Variants in DNAH10 observed in about 807,000 individuals in gnomAD.
DNAH10 encodes the protein axonemal beta dynein heavy chain 10.
DNAH10 carries 348 observed loss-of-function variants against 506.6 expected under a neutral mutation model. That is an observed-to-expected ratio of 0.69 (90% CI 0.63 to 0.75). The LOEUF (loss-of-function observed/expected upper bound fraction) is 0.75, where lower values mean the gene tolerates loss of function less well. Ranked by LOEUF, DNAH10 falls within the 30% of genes least tolerant of loss-of-function variation. The pLI is 0.00. For missense variants in DNAH10, 5,179 were observed against 5,787.1 expected, an observed-to-expected ratio of 0.89 and a Z score of 3.41; for synonymous variants, 2,059 against 2,198.6, an observed-to-expected ratio of 0.94 and a Z score of 1.78.
In DNAH10 at chr12:123,850,145, G is replaced by A. The variant is rs916714426; in HGVS notation, c.6103-743G>A. Among the ~76,000 whole-genome samples, 1 of 151,798 alleles carries A rather than the reference G, an allele frequency of 6.6e-6. No individual in the cohort carries two copies. Among genetic ancestry groups the A allele is most frequent in the Admixed American group, 6.6e-5 (1 of 15,248 alleles). On this transcript the variant is annotated intron_variant, in intron 34 of 78. Coordinates refer to ENST00000673944, the MANE Select transcript of DNAH10 (RefSeq NM_001372106.1). This position sits in a 1 kb window ranked among gnomAD's most constrained non-coding sequence, Gnocchi z 5.5. ...GGGGAGGCTGGCTGTCTTCCGGGCT[G>A]CCCTCTCGTTGGTGATGCAGACTGT...
chr12:123,845,439 C>T (rs927784289), intron 30 of DNAH10, among the ~76,000 whole-genome samples, 161 bp from the exon 31 acceptor site: 3 of 152,220 alleles, frequency 2.0e-5, no homozygotes, highest in Non-Finnish European at 4.4e-5. Flanking sequence ...AAGTCTTACT[C>T]CTCTGACTTA....
intron 23 of DNAH10, among the ~76,000 whole-genome samples, chr12:123,819,707 T>G (rs926207472): frequency 1.4e-4 from 20 of 145,996 alleles, no homozygotes; most frequent in Admixed American, 4.7e-4. Flanking sequence ...TCTGTTTTTT[T>G]TTTTTTTTTT....
chr12:123,827,237 G>GT (rs1565955321), intron 25 of DNAH10, among the ~76,000 whole-genome samples: 3 of 152,154 alleles, frequency 2.0e-5, no homozygotes. Flanking sequence ...GTAATTTACA[G>GT]TTTTTTAGCT....
rs7305969 is a variant in DNAH10, at chr12:123,927,288, C to G, written c.12105+468C>G. The G allele has an allele frequency of 2.2e-3, 385 of 173,726 alleles. 2 individuals are homozygous for G. The highest frequency in any genetic ancestry group is 9.0e-3 in the African/African-American group (375 of 41,654). The allele number at this position is 173,726 out of a possible 1,614,324, so 10.8% of individuals were successfully genotyped here. A position where few individuals can be genotyped will look rare whatever the true frequency, so the allele number is the denominator to read the frequency against. ...CCCTGGCTGGTCTTGAACTCCTGGG[C>G]TCAAGCGATCCTTCCACTTCGGCCT... On this transcript the variant is annotated intron_variant, in intron 69 of 78. Transcript: ENST00000673944.
At chr12:123,924,937 G>A (rs1269908520) in intron 67 of DNAH10, 113 bp from the exon 68 acceptor site, 1 of 1,428,698 alleles carries the variant, frequency 7.0e-7, no homozygotes, top group Non-Finnish European at 9.5e-7. Flanking sequence ...CCTTCAGTTA[G>A]TACACCTATG....
At chr12:123,896,025 A>G (rs1953203792) in intron 54 of DNAH10, among the ~76,000 whole-genome samples, 1 of 150,252 alleles carries the variant, frequency 6.7e-6, no homozygotes, top group East Asian at 2.0e-4. Context: ...AGCCATGAGA[A>G]TTGCTTGAGC....
At chr12:123,860,864 A>T in intron 38 of DNAH10, 148 bp from the exon 39 acceptor site, 1 of 975,700 alleles carries the variant, frequency 1.0e-6, no homozygotes, top group Non-Finnish European at 1.5e-6. Context: ...ACTAACAGTG[A>T]AGGGAAGCCC....
At chr12:123,788,535 A>T (rs1265113728) in intron 10 of DNAH10, among the ~76,000 whole-genome samples, 1 of 152,182 alleles carries the variant, frequency 6.6e-6, no homozygotes, top group Non-Finnish European at 1.5e-5. Flanking sequence ...GAGGAACCAT[A>T]GTGAGTACAA....
rs1953949332 is a variant in DNAH10 at position 123,909,160 on chromosome 12, G to T, written c.9816-101G>T. On this transcript the variant is annotated intron_variant, in intron 57 of 78. Transcript: ENST00000673944. The surrounding 1 kb of genome is among the most constrained non-coding windows in gnomAD (Gnocchi z 5.4). ...CGTTTGCTTGCAGCAGTAGCTCCAG[G>T]GACTGTCTTTTGGTTGAGCTCGTTT... The T allele has an allele frequency of 6.9e-7, 1 of 1,455,984 alleles. No homozygotes were observed. The highest frequency in any genetic ancestry group is 1.4e-5 in the African/African-American group (1 of 70,586). 90.2% of individuals were successfully genotyped at this position (1,455,984 alleles called of 1,614,324 possible).
rs768783271 is a variant in DNAH10 at position 123,789,963 on chromosome 12, C to A, written c.1657C>A (p.Leu553Ile). The change falls in exon 11 of 79, where the codon CTA becomes ATA. Residue 553 changes from leucine (L) to isoleucine (I), a missense_variant. By Grantham distance (5) the Leu-to-Ile change is conservative. Transcript: ENST00000673944. ...ATTTTATAACATATTTGGTCCAGAACTAAAGGCAGTGACGGGGGACCCCAA... is the reference window on the plus strand; with the variant it reads ...ATTTTATAACATATTTGGTCCAGAAATAAAGGCAGTGACGGGGGACCCCAA... ...EEFYNIFGPELKAVTGDPKRI... is the reference protein window; with the variant it reads ...EEFYNIFGPEIKAVTGDPKRI... The A allele has an allele frequency of 1.9e-6, 3 of 1,614,072 alleles. No individual in the cohort carries two copies. Among genetic ancestry groups the A allele is most frequent in the Non-Finnish European group, 2.5e-6 (3 of 1,179,986 alleles).
intron 16 of DNAH10, among the ~76,000 whole-genome samples, chr12:123,801,833 T>C (rs1017345062): frequency 2.0e-5 from 3 of 152,198 alleles, no homozygotes; most frequent in South Asian, 2.1e-4. Context: ...AACCAAGATA[T>C]TGACATTGAT....
chr12:123,894,817 T>A, intron 54 of DNAH10, 94 bp downstream of exon 54: 1 of 1,163,440 alleles, frequency 8.6e-7, no homozygotes, highest in Non-Finnish European at 1.3e-6. Flanking sequence ...TGTAGATTTC[T>A]TCACTGGAAA....
intron 10 of DNAH10, among the ~76,000 whole-genome samples, chr12:123,789,410 G>A (rs1258121120): frequency 6.6e-6 from 1 of 151,774 alleles, no homozygotes; most frequent in Non-Finnish European, 1.5e-5. Flanking sequence ...GTGAGACAGA[G>A]TCTCGCTCTG....
intron 11 of DNAH10, 65 bp downstream of exon 11, chr12:123,790,186 G>A: frequency 6.6e-7 from 1 of 1,520,768 alleles, no homozygotes; most frequent in Non-Finnish European, 9.0e-7. Context: ...TGTTAAATTT[G>A]TTGGGTTATT....
At position 123,811,352 on chromosome 12, in the gene DNAH10, C is replaced by A. The variant is rs140747492; in HGVS notation, c.3145-1812C>A. On this transcript the variant is annotated intron_variant, in intron 19 of 78. Transcript: ENST00000673944. ...TTTTTTTTTTTTTTTGAGATGGAGTCTTGCTCTTTCACCAGGCTGAAGTGC... is the reference window on the plus strand; with the variant it reads ...TTTTTTTTTTTTTTTGAGATGGAGTATTGCTCTTTCACCAGGCTGAAGTGC... Among the ~76,000 whole-genome samples the A allele has an allele frequency of 3.1e-3, 461 of 148,592 alleles. 10 individuals are homozygous for A. Among genetic ancestry groups the A allele is most frequent in the Admixed American group, 0.029 (438 of 14,898 alleles).
At position 123,931,751 on chromosome 12, in the gene DNAH10, A is replaced by C. The variant is rs200067907; in HGVS notation, c.13032A>C (p.Thr4344=). ...DLDQVRKRLG[T]GLSPTSVVLL... The stretch of plus-strand genomic sequence containing the variant: ...ACCAGGTGAGGAAGCGCCTCGGAAC[A>C]GGACTCTCCCCCACTTCGGTGGTGC... Residue 4344 remains threonine (T), a synonymous_variant, in exon 75 of 79, where the codon ACA becomes ACC. Transcript: ENST00000673944. 57 of 1,614,074 alleles carry C rather than the reference A, an allele frequency of 3.5e-5. No homozygotes were observed. In the Admixed American group the frequency reaches 4.8e-4, roughly 14 times the overall value.
intron 76 of DNAH10, 102 bp downstream of exon 76, chr12:123,932,210 C>G: frequency 3.6e-6 from 5 of 1,399,084 alleles, no homozygotes; most frequent in African/African-American, 1.4e-5. Flanking sequence ...GCAGTAACCT[C>G]TGTTAAAGTT....
intron 56 of DNAH10, among the ~76,000 whole-genome samples, chr12:123,901,435 C>T (rs1035610304): frequency 6.6e-6 from 1 of 152,236 alleles, no homozygotes; most frequent in Non-Finnish European, 1.5e-5. Flanking sequence ...GCTGGGGACC[C>T]TTTACAGTGT....
chr12:123,888,129 G>C (rs539295193), intron 52 of DNAH10, among the ~76,000 whole-genome samples: 1 of 152,270 alleles, frequency 6.6e-6, no homozygotes, highest in Admixed American at 6.5e-5. Flanking sequence ...GATTGCTTGA[G>C]CCTGGGAGGT....
Sources: allele counts gnomAD v4.1 joint callset (sites outside exome capture counted in the v4.1 genomes callset), GRCh38; gene constraint gnomAD v4.1.1; non-coding constraint Gnocchi (gnomAD v3.1); transcripts MANE v1.5; gene names NCBI Gene and HGNC (gene_info 2026-07-23, HGNC 2026-07-21).